The following GATD1 variants were observed in gnomAD, a reference collection of about 807,000 sequenced individuals.
GATD1 encodes glutamine amidotransferase class 1 domain containing 1.
In GATD1, 23 loss-of-function variants were observed where a neutral mutation model predicts 25.9. The observed-to-expected ratio is 0.89, with a 90% confidence interval of 0.64 to 1.26. The LOEUF (loss-of-function observed/expected upper bound fraction) is 1.26, where lower values mean the gene tolerates loss of function less well. Among genes scored for constraint, GATD1 ranks in the 50% most tolerant of loss-of-function variants. The pLI is 0.00. For synonymous variants in GATD1, 177 were observed against 134.6 expected (o/e 1.31, Z -2.18); for missense variants, 347 against 312.5 (o/e 1.11, Z -0.83).
intron 1 of GATD1, 135 bp downstream of exon 1, chr11:777,264 G>A (rs1864094659): frequency 1.2e-5 from 5 of 409,486 alleles, no homozygotes; most frequent in South Asian, 1.1e-4. Context: ...CCCTCCCCCG[G>A]CCCCTGCCCG....
chr11:775,384 G>A (rs973327086), intron 1 of GATD1, among the ~76,000 whole-genome samples: 1 of 152,234 alleles, frequency 6.6e-6, no homozygotes, highest in Non-Finnish European at 1.5e-5. Context: ...CAGAACGGTA[G>A]GCCATCCCCG....
chr11:774,247 C>T, intron 2 of GATD1, 134 bp from the exon 3 acceptor site: 1 of 675,856 alleles, frequency 1.5e-6, no homozygotes, highest in Non-Finnish European at 2.5e-6. Context: ...CACCCAGCCT[C>T]CTTCACGGGA....
In GATD1 at chr11:769,883, T is replaced by C; in HGVS notation, c.*1014A>G. 6 of 979,926 alleles carry C rather than the reference T, an allele frequency of 6.1e-6. No individual in the cohort carries two copies. Among genetic ancestry groups the C allele is most frequent in the Non-Finnish European group, 7.3e-6 (6 of 824,642 alleles). 60.7% of individuals were successfully genotyped at this position (979,926 alleles called of 1,614,324 possible). A position where few individuals can be genotyped will look rare whatever the true frequency, so the allele number is the denominator to read the frequency against. On this transcript the variant is annotated 3_prime_UTR_variant, in exon 8 of 8. Transcript: ENST00000319863. ...CGCCCGCCTCGGCCTCCCAAAGTGCTGGGGTTACAGGTGTGAGCCACTGCG... is the reference window on the plus strand; with the variant it reads ...CGCCCGCCTCGGCCTCCCAAAGTGCCGGGGTTACAGGTGTGAGCCACTGCG...
intron 6 of GATD1, 21 bp from the exon 7 acceptor site, chr11:771,125 C>G (rs763094627): frequency 6.4e-7 from 1 of 1,566,376 alleles, no homozygotes; most frequent in South Asian, 1.2e-5. Context: ...CCGAGGGCAC[C>G]AACCTCAGGC....
intron 1 of GATD1, chr11:776,899 C>G (rs1001462162): frequency 6.6e-6 from 1 of 152,350 alleles, no homozygotes; most frequent in African/African-American, 2.4e-5. Context: ...CGCGGGGCGC[C>G]TTCTCCAGGA....
At chr11:774,213 C>T (rs1863737602) in intron 2 of GATD1, 100 bp from the exon 3 acceptor site, 2 of 992,812 alleles carry the variant, frequency 2.0e-6, no homozygotes, top group Non-Finnish European at 3.0e-6. Flanking sequence ...AACAGCATCC[C>T]CCTGAGGCAC....
rs1169886429 is a variant in GATD1, at chr11:769,307, T to C, written c.*1590A>G. The stretch of plus-strand genomic sequence containing the variant: ...TCCACTTTTTTCCAAATTCTCCTTA[T>C]TGAACGGCTTTATTTTATTATTTTT... On this transcript the variant is annotated 3_prime_UTR_variant, in exon 8 of 8. Transcript: ENST00000319863. The C allele has an allele frequency of 3.0e-6, 3 of 984,468 alleles. No homozygotes were observed. Among genetic ancestry groups the C allele is most frequent in the East Asian group, 1.1e-4 (1 of 8,798 alleles). The allele number at this position is 984,468 out of a possible 1,614,324, so 61.0% of individuals were successfully genotyped here.
At chr11:772,868 A>G (rs74048014) in intron 4 of GATD1, among the ~76,000 whole-genome samples, 40,410 of 152,138 alleles carry the variant, frequency 0.27, 6,081 homozygotes, top group African/African-American at 0.42. Flanking sequence ...ATAGCCTGGC[A>G]GGCACTGTGG....
In GATD1 at chr11:770,525, CCACA is replaced by C; in HGVS notation, c.*368_*371del. On this transcript the variant is annotated 3_prime_UTR_variant, in exon 8 of 8. Coordinates refer to ENST00000319863, the MANE Select transcript of GATD1 (RefSeq NM_182612.4). Reference sequence around the variant, plus strand: ...GCAGACAGGCCACAGCAGGGCAAACCCACACAGAGGACCCCCGAGCCGACTCTGT... The same window carrying C: ...GCAGACAGGCCACAGCAGGGCAAACCCAGAGGACCCCCGAGCCGACTCTGT... 4.9e-6 allele frequency: 7 copies of C among 1,419,676 alleles called. No individual in the cohort carries two copies. The highest frequency in any genetic ancestry group is 6.4e-6 in the Non-Finnish European group (7 of 1,088,846). 87.9% of individuals were successfully genotyped at this position (1,419,676 alleles called of 1,614,324 possible).
In GATD1 at chr11:769,915, C is replaced by G. The variant is rs1017512707; in HGVS notation, c.*982G>C. On this transcript the variant is annotated 3_prime_UTR_variant, in exon 8 of 8. Coordinates refer to ENST00000319863, the MANE Select transcript of GATD1 (RefSeq NM_182612.4). The stretch of plus-strand genomic sequence containing the variant: ...ACAGGTGTGAGCCACTGCGCCCGGC[C>G]CAACTGAACGGTTTTATAATCACAA... The G allele has an allele frequency of 1.0e-6, 1 of 991,256 alleles. No homozygotes were observed. Among genetic ancestry groups the G allele is most frequent in the African/African-American group, 1.7e-5 (1 of 57,504 alleles). The allele number at this position is 991,256 out of a possible 1,614,324, so 61.4% of individuals were successfully genotyped here.
rs80186161 is a variant in GATD1 at position 775,611 on chromosome 11, C to A, written c.65-469G>T. Among the ~76,000 whole-genome samples the A allele has an allele frequency of 8.3e-4, 127 of 152,340 alleles. No homozygotes were observed. The East Asian group carries it at 0.02, about 24-fold the overall frequency. On this transcript the variant is annotated intron_variant, in intron 1 of 7. Coordinates refer to ENST00000319863, the MANE Select transcript of GATD1 (RefSeq NM_182612.4). ...TCAGCTCATCCTCTCACTGAACCAC[C>A]AGGGACTCAGGCCCTCAGGCACCAT...
In GATD1 at chr11:767,285, A is replaced by G; in HGVS notation, c.*3612T>C. On this transcript the variant is annotated 3_prime_UTR_variant, in exon 8 of 8. Coordinates refer to ENST00000319863, the MANE Select transcript of GATD1 (RefSeq NM_182612.4). ...ATGAACACACACTGGTATATGGGGAAATCCTCACCCGCCCTCCGCTGCTCT... is the reference window on the plus strand; with the variant it reads ...ATGAACACACACTGGTATATGGGGAGATCCTCACCCGCCCTCCGCTGCTCT... 1 of 1,536,104 alleles carries G rather than the reference A, an allele frequency of 6.5e-7. No homozygotes were observed. Among genetic ancestry groups the G allele is most frequent in the Non-Finnish European group, 8.7e-7 (1 of 1,146,880 alleles).
intron 5 of GATD1, 100 bp from the exon 6 acceptor site, chr11:771,526 A>C: frequency 7.0e-7 from 1 of 1,433,592 alleles, no homozygotes; most frequent in Non-Finnish European, 9.1e-7. Context: ...TCACCCAACC[A>C]AGTGGGACCG....
In GATD1 at chr11:770,995, G is replaced by C. The variant is rs143659129; in HGVS notation, c.654C>G (p.Ser218Arg). The change falls in exon 7 of 8, where the codon AGC becomes AGG. Residue 218 changes from serine (S) to arginine (R), a missense_variant and splice_region_variant. Transcript: ENST00000319863. ...TGTGCCCACCCTGGTGCCCTCACCG[G>C]CTGCCACAGAGGAAGAGCAGGTTCT... ...AVQNLLFLCG[S>R]RK is the part of the protein sequence containing the mutation. 1.9e-6 allele frequency: 3 copies of C among 1,613,316 alleles called. No individual in the cohort carries two copies. The highest frequency in any genetic ancestry group is 2.5e-6 in the Non-Finnish European group (3 of 1,179,996).
Position 771,399 on chromosome 11 carries a change from G to C in GATD1, c.478C>G (p.Pro160Ala), listed in dbSNP as rs759478667. Reference protein sequence around the residue: ...GPSVCELVRAPGFARLPLVVE... With the variant: ...GPSVCELVRAAGFARLPLVVE... ...ACGAGCGGCAGGCGGGCGAAGCCGG[G>C]GGCCCTGACGAGCTCACACACAGAG... The change falls in exon 6 of 8, where the codon CCC becomes GCC. Residue 160 changes from proline to alanine, a missense_variant. Transcript: ENST00000319863. The C allele has an allele frequency of 2.2e-5, 35 of 1,559,870 alleles. No homozygotes were observed. In the African/African-American group the frequency reaches 4.5e-4, roughly 20 times the overall value.
chr11:775,570 G>A (rs1863874344), intron 1 of GATD1, among the ~76,000 whole-genome samples: 1 of 152,222 alleles, frequency 6.6e-6, no homozygotes, highest in Admixed American at 6.5e-5. Flanking sequence ...AAACCCGGGT[G>A]TGAGGGTCAC....
chr11:775,226 G>A (rs1263857486), intron 1 of GATD1, 84 bp from the exon 2 acceptor site: 9 of 1,145,902 alleles, frequency 7.9e-6, no homozygotes, highest in Non-Finnish European at 1.1e-5. Flanking sequence ...CCATGGCCTC[G>A]ACTGACCCCA....
Position 777,436 on chromosome 11 carries a change from C to A in GATD1, c.27G>T (p.Arg9Ser). 3.9e-6 allele frequency: 5 copies of A among 1,269,176 alleles called. No individual in the cohort carries two copies. The highest frequency in any genetic ancestry group is 3.1e-4 in the Middle Eastern group (1 of 3,270). The allele number at this position is 1,269,176 out of a possible 1,614,324, so 78.6% of individuals were successfully genotyped here. A position where few individuals can be genotyped will look rare whatever the true frequency, so the allele number is the denominator to read the frequency against. MASERLPNRPACLLVASGA... is the reference protein window; with the variant it reads MASERLPNSPACLLVASGA... ...CGCTGGCCACGAGCAGACAGGCGGGCCTGTTAGGGAGCCGCTCGGACGCCA... is the reference window on the plus strand; with the variant it reads ...CGCTGGCCACGAGCAGACAGGCGGGACTGTTAGGGAGCCGCTCGGACGCCA... The change falls in exon 1 of 8, where the codon AGG (arginine) becomes AGT (serine). Residue 9 changes from arginine (R) to serine (S), a missense_variant. By Grantham distance (110) the Arg-to-Ser change is moderately radical (BLOSUM62 -1). Transcript: ENST00000319863.
rs937116204 is a variant in GATD1, at chr11:777,451, C to T, written c.12G>A (p.Glu4=). MAS[E]RLPNRPACLL... ...GACAGGCGGGCCTGTTAGGGAGCCG[C>T]TCGGACGCCATGGCTCGGGCTCGGC... The change falls in exon 1 of 8, where the codon GAG becomes GAA. Residue 4 remains glutamate, a synonymous_variant. Transcript: ENST00000319863. The T allele has an allele frequency of 6.4e-6, 8 of 1,250,946 alleles. No individual in the cohort carries two copies. The African/African-American group carries it at 1.1e-4, about 17-fold the overall frequency. 77.5% of individuals were successfully genotyped at this position (1,250,946 alleles called of 1,614,324 possible).
Sources: allele counts gnomAD v4.1 joint callset (sites outside exome capture counted in the v4.1 genomes callset), GRCh38; gene constraint gnomAD v4.1.1; transcripts MANE v1.5; gene names NCBI Gene and HGNC (gene_info 2026-07-23, HGNC 2026-07-21).